Variants in CSMD1 observed in about 807,000 individuals in gnomAD.
CSMD1 encodes CUB and sushi domain-containing protein 1.
A neutral mutation model predicts 417.5 loss-of-function variants in CSMD1; 213 were observed. The observed-to-expected ratio is 0.51, with a 90% confidence interval of 0.46 to 0.57. CSMD1 has a LOEUF of 0.57. CSMD1 is among the 20% of genes least tolerant of loss of function. CSMD1 has a pLI of 0.00. For synonymous variants in CSMD1, 2,862 were observed against 1,736.8 expected, an observed-to-expected ratio of 1.65 and a Z score of -16.11; for missense variants, 6,923 against 4,529.7, an observed-to-expected ratio of 1.53 and a Z score of -15.17.
At chr8:3,424,408 A>G (rs1813691250) in intron 12 of CSMD1, among the ~76,000 whole-genome samples, 1 of 152,232 alleles carries the variant, frequency 6.6e-6, no homozygotes. Context: ...AGAGTGTACC[A>G]AGCAAAACAT....
intron 7 of CSMD1, among the ~76,000 whole-genome samples, chr8:3,656,254 A>C (rs780111588): frequency 3.9e-5 from 6 of 152,198 alleles, no homozygotes; most frequent in Non-Finnish European, 8.8e-5. Flanking sequence ...ACAGGAAGGA[A>C]AGGAGAAAGT....
chr8:4,230,871 G>A (rs987833280), intron 3 of CSMD1, among the ~76,000 whole-genome samples: 14 of 151,976 alleles, frequency 9.2e-5, no homozygotes, highest in East Asian at 1.9e-4. Flanking sequence ...ATTCTTTAAC[G>A]GCACTAACTT....
chr8:3,945,180 A>C (rs1190494363), intron 5 of CSMD1, among the ~76,000 whole-genome samples: 8 of 7,386 alleles, frequency 1.1e-3, no homozygotes, highest in Non-Finnish European at 4.2e-3. Flanking sequence ...GAGAAAGACA[A>C]AAAAAAAAAA....
chr8:3,876,423 C>T (rs1274555395), intron 5 of CSMD1, among the ~76,000 whole-genome samples: 1 of 152,100 alleles, frequency 6.6e-6, no homozygotes, highest in Non-Finnish European at 1.5e-5. Flanking sequence ...CACTTAGAAG[C>T]CTGGAGACAC....
At chr8:4,802,725 G>C (rs930598577) in intron 1 of CSMD1, among the ~76,000 whole-genome samples, 2 of 152,090 alleles carry the variant, frequency 1.3e-5, no homozygotes, top group Admixed American at 6.5e-5. Context: ...ATCTTCCAAA[G>C]AGAATGTTTA....
At chr8:3,833,248 G>C (rs988582989) in intron 5 of CSMD1, among the ~76,000 whole-genome samples, 1 of 151,988 alleles carries the variant, frequency 6.6e-6, no homozygotes, top group Non-Finnish European at 1.5e-5. Context: ...TATTACACAT[G>C]TTGATAATAT....
intron 46 of CSMD1, among the ~76,000 whole-genome samples, chr8:3,104,426 G>A (rs985858773): frequency 4.6e-5 from 7 of 151,940 alleles, no homozygotes; most frequent in South Asian, 2.1e-4. Flanking sequence ...CACAGCCTAC[G>A]GTCTGCTTAG....
intron 5 of CSMD1, among the ~76,000 whole-genome samples, chr8:3,903,790 C>A (rs565690955): frequency 6.6e-6 from 1 of 152,122 alleles, no homozygotes; most frequent in African/African-American, 2.4e-5. Context: ...TTGAGCCTCT[C>A]GGATCAGTGT....
chr8:3,870,361 C>G (rs1432594614), intron 5 of CSMD1, among the ~76,000 whole-genome samples: 3 of 152,008 alleles, frequency 2.0e-5, no homozygotes, highest in Admixed American at 6.6e-5. Flanking sequence ...GTAAAAAGAC[C>G]AGTGCCTTAT....
At chr8:4,360,366 T>G (rs1415928748) in intron 3 of CSMD1, among the ~76,000 whole-genome samples, 1 of 152,200 alleles carries the variant, frequency 6.6e-6, no homozygotes, top group Non-Finnish European at 1.5e-5. Context: ...ACATGCCTCT[T>G]TACCCTAATT....
intron 23 of CSMD1, among the ~76,000 whole-genome samples, chr8:3,323,718 C>T (rs1461164919): frequency 1.3e-5 from 2 of 151,886 alleles, no homozygotes; most frequent in South Asian, 2.1e-4. Flanking sequence ...GGCCCACATC[C>T]AACCCCAGAG....
At chr8:4,312,432 T>G (rs966725763) in intron 3 of CSMD1, among the ~76,000 whole-genome samples, 1 of 139,722 alleles carries the variant, frequency 7.2e-6, no homozygotes, top group Non-Finnish European at 1.5e-5. Context: ...CGCGTATATA[T>G]ATATGCGTAT....
intron 5 of CSMD1, among the ~76,000 whole-genome samples, chr8:3,972,451 T>C (rs993864684): frequency 6.6e-6 from 1 of 152,218 alleles, no homozygotes; most frequent in Non-Finnish European, 1.5e-5. Flanking sequence ...TTGTAAACAG[T>C]GATTCCTTGG....
chr8:3,086,375 G>C (rs532155547), intron 49 of CSMD1, among the ~76,000 whole-genome samples: 2 of 152,178 alleles, frequency 1.3e-5, no homozygotes, highest in African/African-American at 4.8e-5. Context: ...TACAATAACT[G>C]TGATAAGTAT....
chr8:4,582,880 G>C (rs955217244), intron 2 of CSMD1, among the ~76,000 whole-genome samples: 1 of 152,236 alleles, frequency 6.6e-6, no homozygotes, highest in Non-Finnish European at 1.5e-5. Context: ...GGGCCAGCTG[G>C]AGTTCCGGGT....
At chr8:4,244,334 G>A (rs1222549399) in intron 3 of CSMD1, among the ~76,000 whole-genome samples, 4 of 152,114 alleles carry the variant, frequency 2.6e-5, no homozygotes, top group African/African-American at 4.8e-5. Context: ...TTTGCCTGGA[G>A]CTCCAAGAAC....
At chr8:3,711,806 T>C (rs1367010158) in intron 6 of CSMD1, among the ~76,000 whole-genome samples, 2 of 152,108 alleles carry the variant, frequency 1.3e-5, no homozygotes, top group Non-Finnish European at 2.9e-5. Context: ...AGAGAGGAGA[T>C]GAATGCACAA....
At chr8:4,101,374 G>T (rs1283322981) in intron 3 of CSMD1, among the ~76,000 whole-genome samples, 2 of 152,040 alleles carry the variant, frequency 1.3e-5, no homozygotes, top group Non-Finnish European at 2.9e-5. Flanking sequence ...TTCCATCTGG[G>T]GCCCTGACAA....
chr8:3,096,866 G>A lies in CSMD1; in HGVS notation c.7121C>T (p.Ala2374Val), dbSNP rs1281624853. 5 of 1,553,664 alleles carry A rather than the reference G, an allele frequency of 3.2e-6. No individual in the cohort carries two copies. The South Asian group carries it at 6.0e-5, about 18-fold the overall frequency. ...AAACTTACCATCAAACACTTCCAGT[G>A]CATCAAACTGCTTTTCACTTTGAAA... ...DTFQSEKQFD[A>V]LEVFDGSSGQ... is the part of the protein sequence containing the mutation. Residue 2374 changes from alanine (A) to valine (V), a missense_variant, in exon 47 of 70, where the codon GCA (alanine) becomes GTA (valine). Ala to Val is a moderately conservative substitution (Grantham distance 64). Transcript: ENST00000635120.
Sources: allele counts gnomAD v4.1 joint callset (sites outside exome capture counted in the v4.1 genomes callset), GRCh38; gene constraint gnomAD v4.1.1; transcripts MANE v1.5; gene names NCBI Gene and HGNC (gene_info 2026-07-23, HGNC 2026-07-21).